Variants in PLD2 observed in about 807,000 individuals in gnomAD.
PLD2 encodes choline phosphatase 2.
In PLD2, 101 loss-of-function variants were observed where a neutral mutation model predicts 119.8. The ratio of observed to expected loss-of-function variants is 0.84; its 90% CI spans 0.72 to 0.99. The LOEUF (loss-of-function observed/expected upper bound fraction) is 0.99. PLD2 is among the 50% of genes least tolerant of loss of function. The pLI is 0.00. For synonymous variants in PLD2, 494 were observed against 482.8 expected (o/e 1.02, Z -0.30); for missense variants, 1,164 against 1,226.8 (o/e 0.95, Z 0.76).
At position 4,811,000 on chromosome 17, in the gene PLD2, C is replaced by T. The variant is rs750449834; in HGVS notation, c.1010+49C>T. On this transcript the variant is annotated intron_variant, in intron 10 of 24. Transcript: ENST00000263088. ...AGCTTGTCTGTGGCTTTCTTGACCC[C>T]CTGTGTAATCTCTGAGTCCTTCATC... The T allele has an allele frequency of 4.5e-6, 7 of 1,551,526 alleles. No individual in the cohort carries two copies. The South Asian group carries it at 7.0e-5, about 16-fold the overall frequency.
intron 10 of PLD2, among the ~76,000 whole-genome samples, chr17:4,812,295 G>GGT (rs1555521882): frequency 8.4e-6 from 1 of 118,604 alleles, no homozygotes; most frequent in African/African-American, 3.3e-5. Flanking sequence ...TTTTGTTTTG[G>GGT]TTTTTTTTTT....
At chr17:4,817,703 A>C (rs1907156620) in intron 17 of PLD2, among the ~76,000 whole-genome samples, 1 of 149,324 alleles carries the variant, frequency 6.7e-6, no homozygotes, top group Non-Finnish European at 1.5e-5. Flanking sequence ...TTACGCCTGT[A>C]ATCCCAGCAC....
intron 23 of PLD2, 50 bp from the exon 24 acceptor site, chr17:4,821,743 G>A: frequency 7.5e-7 from 1 of 1,335,764 alleles, no homozygotes; most frequent in Non-Finnish European, 1.1e-6. Flanking sequence ...TGGTACTCAG[G>A]TTCTCTAAGG....
At position 4,819,094 on chromosome 17, in the gene PLD2, A is replaced by G; in HGVS notation, c.2184A>G (p.Ala728=). The change falls in exon 22 of 25, where the codon GCA becomes GCG. Residue 728 remains alanine (A), a synonymous_variant. Transcript: ENST00000263088. This position sits in a 1 kb window ranked among gnomAD's most constrained non-coding sequence, Gnocchi z 4.2. ...CCTCCTGTCACGCAGTGGGGACAGCATGGCGGGACTATATTTCCATCTGCG... is the reference window on the plus strand; with the variant it reads ...CCTCCTGTCACGCAGTGGGGACAGCGTGGCGGGACTATATTTCCATCTGCG... ...LHRLKAAMGT[A]WRDYISICGL... The G allele has an allele frequency of 6.2e-7, 1 of 1,614,166 alleles. No homozygotes were observed. The highest frequency in any genetic ancestry group is 8.5e-7 in the Non-Finnish European group (1 of 1,180,004).
At position 4,809,379 on chromosome 17, in the gene PLD2, C is replaced by A. The variant is rs770705409; in HGVS notation, c.555+16C>A. 1 of 1,613,726 alleles carries A rather than the reference C, an allele frequency of 6.2e-7. No individual in the cohort carries two copies. Among genetic ancestry groups the A allele is most frequent in the Non-Finnish European group, 8.5e-7 (1 of 1,179,638 alleles). ...CCATGCCATGGTAAGGTCCAGGGGC[C>A]GATTTTAGATGTGGAGCAGGATTAT... is the stretch of plus-strand genomic sequence containing the variant. On this transcript the variant is annotated intron_variant, in intron 6 of 24. Coordinates refer to ENST00000263088, the MANE Select transcript of PLD2 (RefSeq NM_002663.5).
At chr17:4,820,659 T>C (rs1010331617) in intron 23 of PLD2, among the ~76,000 whole-genome samples, 1 of 146,110 alleles carries the variant, frequency 6.8e-6, no homozygotes, top group African/African-American at 2.6e-5. Context: ...CACTGCAGGC[T>C]CCGCCGCCCA....
rs746296583 is a variant in PLD2 at position 4,819,406 on chromosome 17, A to G, written c.2309-23A>G. On this transcript the variant is annotated intron_variant, in intron 22 of 24. Coordinates refer to ENST00000263088, the MANE Select transcript of PLD2 (RefSeq NM_002663.5). The surrounding 1 kb of genome is among the most constrained non-coding windows in gnomAD (Gnocchi z 4.2). ...GAGAGTGCCCTGGGCCCAAGCACAC[A>G]GTGTGCCCCGCATCCACCCCAGGTT... 4 of 1,611,818 alleles carry G rather than the reference A, an allele frequency of 2.5e-6. No individual in the cohort carries two copies. The Admixed American group carries it at 5.0e-5, about 20-fold the overall frequency.
chr17:4,815,814 C>T lies in PLD2; in HGVS notation c.1335C>T (p.Leu445=). ...QVTLWAHHEK[L]LVVDQVVAFL... Reference sequence around the variant, plus strand: ...CGTTGTGGGCCCATCATGAGAAGCTCCTGGTGGTGGACCAAGTGGTAGCAT... The same window carrying T: ...CGTTGTGGGCCCATCATGAGAAGCTTCTGGTGGTGGACCAAGTGGTAGCAT... Residue 445 remains leucine, a synonymous_variant, in exon 14 of 25, where the codon CTC becomes CTT. Transcript: ENST00000263088. The T allele has an allele frequency of 3.1e-6, 5 of 1,614,120 alleles. No individual in the cohort carries two copies. The highest frequency in any genetic ancestry group is 3.4e-6 in the Non-Finnish European group (4 of 1,179,996).
At chr17:4,813,360 A>G (rs1906660332) in intron 10 of PLD2, among the ~76,000 whole-genome samples, 4 of 152,240 alleles carry the variant, frequency 2.6e-5, no homozygotes, top group Admixed American at 2.6e-4. Context: ...GTTTCAACAT[A>G]AATGAGATCA....
Position 4,821,863 on chromosome 17 carries a change from T to C in PLD2, c.2533T>C (p.Leu845=), listed in dbSNP as rs1298650691. ...RDPICDDFFQ[L]WQDMAESNAN... ...CCCCATCTGTGATGACTTCTTCCAG[T>C]TGTGGCAAGACATGGCTGAGAGCAA... The change falls in exon 24 of 25, where the codon TTG becomes CTG. Residue 845 remains leucine (L), a synonymous_variant. Transcript: ENST00000263088. 3.1e-6 allele frequency: 5 copies of C among 1,613,760 alleles called. No homozygotes were observed. Among genetic ancestry groups the C allele is most frequent in the Admixed American group, 1.7e-5 (1 of 59,962 alleles).
Position 4,819,594 on chromosome 17 carries a change from G to T in PLD2, c.2462+12G>T. On this transcript the variant is annotated intron_variant, in intron 23 of 24. Coordinates refer to ENST00000263088, the MANE Select transcript of PLD2 (RefSeq NM_002663.5). This position sits in a 1 kb window ranked among gnomAD's most constrained non-coding sequence, Gnocchi z 4.2. ...AAGCACTGCTTCGGGTAGAGCTGGG[G>T]CGGGATGCCACAGGGTGGGAGGGAG... The T allele has an allele frequency of 1.3e-6, 2 of 1,599,434 alleles. No individual in the cohort carries two copies. Among genetic ancestry groups the T allele is most frequent in the Non-Finnish European group, 1.7e-6 (2 of 1,171,448 alleles).
Position 4,815,764 on chromosome 17 carries a change from G to A in PLD2, c.1285G>A (p.Val429Met), listed in dbSNP as rs1000375351. 6.2e-7 allele frequency: 1 copy of A among 1,613,904 alleles called. No homozygotes were observed. Among genetic ancestry groups the A allele is most frequent in the Non-Finnish European group, 8.5e-7 (1 of 1,179,912 alleles). Residue 429 changes from valine to methionine, a missense_variant and splice_region_variant, in exon 14 of 25, where the codon GTG becomes ATG. Val to Met is a conservative substitution (Grantham distance 21). Coordinates refer to ENST00000263088, the MANE Select transcript of PLD2 (RefSeq NM_002663.5). ...CATGAACCCTCCATGCCTGCTCCAG[G>A]TGATGCGTCACCCAGACCAAGTGAC... ...ALMLLHPNIK[V>M]MRHPDQVTLW...
chr17:4,818,062 T>A lies in PLD2; in HGVS notation c.1876T>A (p.Tyr626Asn). The A allele has an allele frequency of 6.2e-7, 1 of 1,614,098 alleles. No individual in the cohort carries two copies. The highest frequency in any genetic ancestry group is 8.5e-7 in the Non-Finnish European group (1 of 1,179,904). The change falls in exon 18 of 25, where the codon TAC becomes AAC. Residue 626 changes from tyrosine to asparagine, a missense_variant. Tyr to Asn is a moderately radical substitution (Grantham distance 143). Transcript: ENST00000263088. ...TCTGGAGAACTCCATCCTCAATGCC[T>A]ACCTGCACACCATCAGGGAGAGCCA... ...GTLENSILNA[Y>N]LHTIRESQHF... is the part of the protein sequence containing the mutation.
rs780985200 is a variant in PLD2, at chr17:4,821,927, G to T, written c.2577+20G>T. 2.7e-6 allele frequency: 4 copies of T among 1,506,718 alleles called. No individual in the cohort carries two copies. Among genetic ancestry groups the T allele is most frequent in the South Asian group, 1.1e-5 (1 of 88,976 alleles). 93.3% of individuals were successfully genotyped at this position (1,506,718 alleles called of 1,614,324 possible). A position where few individuals can be genotyped will look rare whatever the true frequency, so the allele number is the denominator to read the frequency against. On this transcript the variant is annotated intron_variant, in intron 24 of 24. Transcript: ENST00000263088. Reference sequence around the variant, plus strand: ...GAGCAGGTGGGAACTTGGGAGGGGTGGGGGAGAGTGGCCTGGGGAAATTTG... The same window carrying T: ...GAGCAGGTGGGAACTTGGGAGGGGTTGGGGAGAGTGGCCTGGGGAAATTTG...
chr17:4,814,793 T>A, intron 12 of PLD2, 82 bp downstream of exon 12: 1 of 1,262,756 alleles, frequency 7.9e-7, no homozygotes, highest in Non-Finnish European at 1.1e-6. Flanking sequence ...GTGGGAGAAT[T>A]AGGCAGTCTG....
Position 4,819,722 on chromosome 17 carries a change from G to C in PLD2, c.2462+140G>C. On this transcript the variant is annotated intron_variant, in intron 23 of 24. Coordinates refer to ENST00000263088, the MANE Select transcript of PLD2 (RefSeq NM_002663.5). The surrounding 1 kb of genome is among the most constrained non-coding windows in gnomAD (Gnocchi z 4.2). The stretch of plus-strand genomic sequence containing the variant: ...CTAGATTCTCAATAGGCAAGGCTGG[G>C]CGCGGCAGCTCACGCCTCTAATCCC... 1 of 854,644 alleles carries C rather than the reference G, an allele frequency of 1.2e-6. No homozygotes were observed. Among genetic ancestry groups the C allele is most frequent in the Non-Finnish European group, 1.7e-6 (1 of 571,820 alleles). The allele number at this position is 854,644 out of a possible 1,614,324, so 52.9% of individuals were successfully genotyped here.
chr17:4,812,751 G>A (rs934453596), intron 10 of PLD2, among the ~76,000 whole-genome samples: 1 of 152,170 alleles, frequency 6.6e-6, no homozygotes, highest in Non-Finnish European at 1.5e-5. Context: ...ACTGGTGATT[G>A]CGTGGGAACA....
rs547445901 is a variant in PLD2, at chr17:4,819,699, A to T, written c.2462+117A>T. ...CGGAGCCAGAGGTAGAGGCAGTACT[A>T]GATTCTCAATAGGCAAGGCTGGGCG... On this transcript the variant is annotated intron_variant, in intron 23 of 24. Coordinates refer to ENST00000263088, the MANE Select transcript of PLD2 (RefSeq NM_002663.5). This position sits in a 1 kb window ranked among gnomAD's most constrained non-coding sequence, Gnocchi z 4.2. The T allele has an allele frequency of 7.6e-5, 78 of 1,019,894 alleles. 1 individual carries two copies. The South Asian group carries it at 1.2e-3, about 16-fold the overall frequency. The allele number at this position is 1,019,894 out of a possible 1,614,324, so 63.2% of individuals were successfully genotyped here. A position where few individuals can be genotyped will look rare whatever the true frequency, so the allele number is the denominator to read the frequency against.
At chr17:4,821,937 G>A (rs748783488) in intron 24 of PLD2, 30 bp downstream of exon 24, 3 of 1,448,892 alleles carry the variant, frequency 2.1e-6, no homozygotes, top group Middle Eastern at 1.8e-4. Context: ...GGGGGAGAGT[G>A]GCCTGGGGAA....
Sources: allele counts gnomAD v4.1 joint callset (sites outside exome capture counted in the v4.1 genomes callset), GRCh38; gene constraint gnomAD v4.1.1; non-coding constraint Gnocchi (gnomAD v3.1); transcripts MANE v1.5; gene names NCBI Gene and HGNC (gene_info 2026-07-23, HGNC 2026-07-21).